Variants in PEX3 observed in about 807,000 individuals in gnomAD.
The protein encoded by PEX3 is peroxin-3.
Under a neutral mutation model 55.8 loss-of-function variants are expected in PEX3, and 30 were observed. That is an observed-to-expected ratio of 0.54 (90% CI 0.40 to 0.73). The LOEUF (loss-of-function observed/expected upper bound fraction) is 0.73. PEX3 is among the 30% of genes least tolerant of loss of function. PEX3 has a pLI of 0.00. For synonymous variants in PEX3, 135 were observed against 148.4 expected, an observed-to-expected ratio of 0.91 and a Z score of 0.66; for missense variants, 351 against 432.8, an observed-to-expected ratio of 0.81 and a Z score of 1.68.
rs1780268579 is a variant in PEX3 at position 143,483,377 on chromosome 6, A to T, written c.942-1775A>T. On this transcript the variant is annotated intron_variant, in intron 10 of 11. Coordinates refer to ENST00000367591, the MANE Select transcript of PEX3 (RefSeq NM_003630.3). This position sits in a 1 kb window ranked among gnomAD's most constrained non-coding sequence, Gnocchi z 4.3. ...TTTAAACAAAAGTAGACAGTCAAGCAGTTTTCCTGAGGAAATAATTTGAAC... is the reference window on the plus strand; with the variant it reads ...TTTAAACAAAAGTAGACAGTCAAGCTGTTTTCCTGAGGAAATAATTTGAAC... Among the ~76,000 whole-genome samples the T allele has an allele frequency of 6.6e-6, 1 of 152,222 alleles. No homozygotes were observed. The highest frequency in any genetic ancestry group is 6.5e-5 in the Admixed American group (1 of 15,272).
chr6:143,471,085 T>G lies in PEX3; in HGVS notation c.456T>G (p.Thr152=). ...LDNAAVGKNG[T]TILAPPDVQQ... Reference sequence around the variant, plus strand: ...ATGCAGCAGTTGGCAAAAATGGCACTGTAAGTTTAATAGACTTAAATAGAC... The same window carrying G: ...ATGCAGCAGTTGGCAAAAATGGCACGGTAAGTTTAATAGACTTAAATAGAC... Residue 152 remains threonine, a splice_region_variant and synonymous_variant, in exon 5 of 12, where the codon ACT becomes ACG. Coordinates refer to ENST00000367591, the MANE Select transcript of PEX3 (RefSeq NM_003630.3). This position sits in a 1 kb window ranked among gnomAD's most constrained non-coding sequence, Gnocchi z 5.4. 1 of 1,613,310 alleles carries G rather than the reference T, an allele frequency of 6.2e-7. No homozygotes were observed. Among genetic ancestry groups the G allele is most frequent in the Non-Finnish European group, 8.5e-7 (1 of 1,179,392 alleles).
chr6:143,477,274 C>T (rs1431046921), intron 9 of PEX3, among the ~76,000 whole-genome samples: 5 of 152,128 alleles, frequency 3.3e-5, no homozygotes, highest in African/African-American at 4.8e-5. Flanking sequence ...TTGACTTTAA[C>T]ACTTTTTTAT....
Position 143,464,001 on chromosome 6 carries a change from C to A in PEX3, c.287+1004C>A, listed in dbSNP as rs1418590595. 6.6e-6 allele frequency among the ~76,000 whole-genome samples: 1 copy of A among 151,982 alleles called. No individual in the cohort carries two copies. The highest frequency in any genetic ancestry group is 1.5e-5 in the Non-Finnish European group (1 of 67,926). ...TCTTTTATCTGATTAAAACAGAATG[C>A]TAGTGATGGGGGTTTTCCATTTTAA... On this transcript the variant is annotated intron_variant, in intron 3 of 11. Coordinates refer to ENST00000367591, the MANE Select transcript of PEX3 (RefSeq NM_003630.3). This position sits in a 1 kb window ranked among gnomAD's most constrained non-coding sequence, Gnocchi z 5.8.
At chr6:143,452,230 T>G (rs1779783136) in intron 1 of PEX3, among the ~76,000 whole-genome samples, 1 of 152,216 alleles carries the variant, frequency 6.6e-6, no homozygotes, top group African/African-American at 2.4e-5. Flanking sequence ...GATGGTGTTT[T>G]GCATGTCTCT....
Position 143,466,571 on chromosome 6 carries a change from G to C in PEX3, c.288-1551G>C, listed in dbSNP as rs1439294327. ...ACTTTAACATAGGTATATATGTATA[G>C]GATAAAACATAGTATATGTAGGGGT... is the stretch of plus-strand genomic sequence containing the variant. On this transcript the variant is annotated intron_variant, in intron 3 of 11. Coordinates refer to ENST00000367591, the MANE Select transcript of PEX3 (RefSeq NM_003630.3). The surrounding 1 kb of genome is among the most constrained non-coding windows in gnomAD (Gnocchi z 5.4). 6.6e-6 allele frequency among the ~76,000 whole-genome samples: 1 copy of C among 151,918 alleles called. No individual in the cohort carries two copies. The highest frequency in any genetic ancestry group is 1.5e-5 in the Non-Finnish European group (1 of 67,914).
chr6:143,465,057 A>G lies in PEX3; in HGVS notation c.287+2060A>G, dbSNP rs1779973919. 6.6e-6 allele frequency among the ~76,000 whole-genome samples: 1 copy of G among 152,042 alleles called. No homozygotes were observed. The highest frequency in any genetic ancestry group is 1.5e-5 in the Non-Finnish European group (1 of 67,872). On this transcript the variant is annotated intron_variant, in intron 3 of 11. Coordinates refer to ENST00000367591, the MANE Select transcript of PEX3 (RefSeq NM_003630.3). This position sits in a 1 kb window ranked among gnomAD's most constrained non-coding sequence, Gnocchi z 4.7. Reference sequence around the variant, plus strand: ...TCAATGGCAAAAACAAAAAAATCTTAAACATCCTCCATCATAAGAGAAGTA... The same window carrying G: ...TCAATGGCAAAAACAAAAAAATCTTGAACATCCTCCATCATAAGAGAAGTA...
chr6:143,468,210 A>G (rs778773177), intron 4 of PEX3, 45 bp downstream of exon 4: 2 of 1,278,416 alleles, frequency 1.6e-6, no homozygotes, highest in Non-Finnish European at 2.3e-6. Flanking sequence ...TAAAATATTT[A>G]TAAAGGGAAA....
rs1779947960 is a variant in PEX3 at position 143,463,169 on chromosome 6, C to T, written c.287+172C>T. ...TAACCTACATTTAATTTTGTCTATG[C>T]TCTACTTTTTTGCATAAAGCATTCA... On this transcript the variant is annotated intron_variant, in intron 3 of 11. Coordinates refer to ENST00000367591, the MANE Select transcript of PEX3 (RefSeq NM_003630.3). This position sits in a 1 kb window ranked among gnomAD's most constrained non-coding sequence, Gnocchi z 5.7. Among the ~76,000 whole-genome samples the T allele has an allele frequency of 6.6e-6, 1 of 152,112 alleles. No individual in the cohort carries two copies. Among genetic ancestry groups the T allele is most frequent in the African/African-American group, 2.4e-5 (1 of 41,416 alleles).
Position 143,488,554 on chromosome 6 carries a change from A to T in PEX3, c.1039-589A>T, listed in dbSNP as rs1780347891. ...CAAAGTCATACAACCTGCTAATATT[A>T]TCACAGTTTGTTGCCTACATTCATA... On this transcript the variant is annotated intron_variant, in intron 11 of 11. Coordinates refer to ENST00000367591, the MANE Select transcript of PEX3 (RefSeq NM_003630.3). This position sits in a 1 kb window ranked among gnomAD's most constrained non-coding sequence, Gnocchi z 4.9. Among the ~76,000 whole-genome samples, 1 of 152,124 alleles carries T rather than the reference A, an allele frequency of 6.6e-6. No homozygotes were observed. Among genetic ancestry groups the T allele is most frequent in the Non-Finnish European group, 1.5e-5 (1 of 67,972 alleles).
intron 4 of PEX3, among the ~76,000 whole-genome samples, chr6:143,468,813 C>CG (rs1780029494): frequency 7.8e-6 from 1 of 128,510 alleles, no homozygotes; most frequent in Admixed American, 7.6e-5. Flanking sequence ...CCCCCCCCCC[C>CG]CACCCCACGA....
Position 143,459,789 on chromosome 6 carries a change from T to A in PEX3, c.205+573T>A, listed in dbSNP as rs1779895349. On this transcript the variant is annotated intron_variant, in intron 2 of 11. Transcript: ENST00000367591. The surrounding 1 kb of genome is among the most constrained non-coding windows in gnomAD (Gnocchi z 4.2). Reference sequence around the variant, plus strand: ...AACAAGGCTGCAGAAGTAGGCTTGATCCCATCGGGCCTGTGGGCCATAGGA... The same window carrying A: ...AACAAGGCTGCAGAAGTAGGCTTGAACCCATCGGGCCTGTGGGCCATAGGA... 6.6e-6 allele frequency among the ~76,000 whole-genome samples: 1 copy of A among 152,168 alleles called. No homozygotes were observed.
In PEX3 at chr6:143,484,392, A is replaced by C. The variant is rs916041006; in HGVS notation, c.942-760A>C. Among the ~76,000 whole-genome samples, 11 of 152,230 alleles carry C rather than the reference A, an allele frequency of 7.2e-5. No individual in the cohort carries two copies. In the South Asian group the frequency reaches 2.1e-3, roughly 29 times the overall value. On this transcript the variant is annotated intron_variant, in intron 10 of 11. Transcript: ENST00000367591. ...AGGGAAAGAAGTGCCAAGGATTTTC[A>C]AAAGATTTTAAGATTATTAAAAGAT...
At position 143,471,079 on chromosome 6, in the gene PEX3, T is replaced by C. The variant is rs1780066874; in HGVS notation, c.450T>C (p.Asn150=). The C allele has an allele frequency of 1.2e-6, 2 of 1,613,546 alleles. No individual in the cohort carries two copies. Among genetic ancestry groups the C allele is most frequent in the Non-Finnish European group, 1.7e-6 (2 of 1,179,596 alleles). Residue 150 remains asparagine (N), a synonymous_variant, in exon 5 of 12, where the codon AAT becomes AAC. Coordinates refer to ENST00000367591, the MANE Select transcript of PEX3 (RefSeq NM_003630.3). This position sits in a 1 kb window ranked among gnomAD's most constrained non-coding sequence, Gnocchi z 5.4. ...TGGATAATGCAGCAGTTGGCAAAAA[T>C]GGCACTGTAAGTTTAATAGACTTAA... The part of the protein sequence containing the change: ...IYLDNAAVGK[N]GTTILAPPDV...
chr6:143,468,694 G>C (rs1225701185), intron 4 of PEX3, among the ~76,000 whole-genome samples: 1 of 151,570 alleles, frequency 6.6e-6, no homozygotes, highest in Admixed American at 6.6e-5. Flanking sequence ...TAAGTTCTGG[G>C]GTACATGTGC....
Position 143,462,149 on chromosome 6 carries a change from T to G in PEX3, c.206-767T>G, listed in dbSNP as rs1470453188. Among the ~76,000 whole-genome samples, 1 of 152,036 alleles carries G rather than the reference T, an allele frequency of 6.6e-6. No homozygotes were observed. Among genetic ancestry groups the G allele is most frequent in the Non-Finnish European group, 1.5e-5 (1 of 68,012 alleles). On this transcript the variant is annotated intron_variant, in intron 2 of 11. Coordinates refer to ENST00000367591, the MANE Select transcript of PEX3 (RefSeq NM_003630.3). This position sits in a 1 kb window ranked among gnomAD's most constrained non-coding sequence, Gnocchi z 4.1. ...ATAAACTCCTAAAAATCACATGAAG[T>G]TTTTTTCCCATAGATTGCTAGTCTC...
rs1290180499 is a variant in PEX3 at position 143,467,658 on chromosome 6, C to T, written c.288-464C>T. On this transcript the variant is annotated intron_variant, in intron 3 of 11. Coordinates refer to ENST00000367591, the MANE Select transcript of PEX3 (RefSeq NM_003630.3). ...TTCAGGAGGCAATGTGAATAGTCTT[C>T]CAGAAGTGAAAGATGGGCAGTTTGA... Among the ~76,000 whole-genome samples the T allele has an allele frequency of 5.3e-5, 8 of 152,042 alleles. No individual in the cohort carries two copies. The East Asian group carries it at 1.2e-3, about 22-fold the overall frequency.
At position 143,483,997 on chromosome 6, in the gene PEX3, C is replaced by G. The variant is rs1185008931; in HGVS notation, c.942-1155C>G. Among the ~76,000 whole-genome samples, 1 of 151,998 alleles carries G rather than the reference C, an allele frequency of 6.6e-6. No homozygotes were observed. Among genetic ancestry groups the G allele is most frequent in the Non-Finnish European group, 1.5e-5 (1 of 67,958 alleles). ...CAGGAATACATAAATCTTCCCACTTCCTTTATTCTTTTTTAAGCATTGCCT... is the reference window on the plus strand; with the variant it reads ...CAGGAATACATAAATCTTCCCACTTGCTTTATTCTTTTTTAAGCATTGCCT... On this transcript the variant is annotated intron_variant, in intron 10 of 11. Coordinates refer to ENST00000367591, the MANE Select transcript of PEX3 (RefSeq NM_003630.3). This position sits in a 1 kb window ranked among gnomAD's most constrained non-coding sequence, Gnocchi z 4.3.
rs1779950752 is a variant in PEX3 at position 143,463,417 on chromosome 6, A to G, written c.287+420A>G. On this transcript the variant is annotated intron_variant, in intron 3 of 11. Coordinates refer to ENST00000367591, the MANE Select transcript of PEX3 (RefSeq NM_003630.3). This position sits in a 1 kb window ranked among gnomAD's most constrained non-coding sequence, Gnocchi z 5.7. ...TAAATAAATAAGATATACAGGACTT[A>G]TATCTTAAATTACTAACAAAATGAA... Among the ~76,000 whole-genome samples the G allele has an allele frequency of 6.6e-6, 1 of 152,230 alleles. No homozygotes were observed. The highest frequency in any genetic ancestry group is 1.5e-5 in the Non-Finnish European group (1 of 68,028).
In PEX3 at chr6:143,475,830, T is replaced by A. The variant is rs988920381; in HGVS notation, c.818+974T>A. Among the ~76,000 whole-genome samples, 3 of 152,224 alleles carry A rather than the reference T, an allele frequency of 2.0e-5. No individual in the cohort carries two copies. Among genetic ancestry groups the A allele is most frequent in the African/African-American group, 7.2e-5 (3 of 41,452 alleles). ...CTCAGGAGCTTGTCTGGATTGAAAT[T>A]TCTACACTTCATAGATAGAAATAAT... On this transcript the variant is annotated intron_variant, in intron 9 of 11. Coordinates refer to ENST00000367591, the MANE Select transcript of PEX3 (RefSeq NM_003630.3). This position sits in a 1 kb window ranked among gnomAD's most constrained non-coding sequence, Gnocchi z 4.4.
Sources: allele counts gnomAD v4.1 joint callset (sites outside exome capture counted in the v4.1 genomes callset), GRCh38; gene constraint gnomAD v4.1.1; non-coding constraint Gnocchi (gnomAD v3.1); transcripts MANE v1.5; gene names NCBI Gene and HGNC (gene_info 2026-07-23, HGNC 2026-07-21).